Variants in SDK1 observed in about 807,000 individuals in gnomAD.
SDK1 encodes protein sidekick-1.
Under a neutral mutation model 245.5 loss-of-function variants are expected in SDK1, and 157 were observed. That is an observed-to-expected ratio of 0.64 (90% CI 0.56 to 0.73). The LOEUF (loss-of-function observed/expected upper bound fraction) is 0.73. SDK1 is among the 30% of genes least tolerant of loss of function. The pLI is 0.00. For missense variants in SDK1, 3,583 were observed against 3,002.3 expected (o/e 1.19, Z -4.52); for synonymous variants, 1,647 against 1,278.5 (o/e 1.29, Z -6.15).
intron 4 of SDK1, among the ~76,000 whole-genome samples, chr7:3,679,915 C>A (rs143037509): frequency 6.6e-6 from 1 of 152,172 alleles, no homozygotes; most frequent in Non-Finnish European, 1.5e-5. Context: ...CATTTATCCA[C>A]AGAAATGAAG....
At chr7:3,646,254 C>G (rs1438159368) in intron 4 of SDK1, among the ~76,000 whole-genome samples, 1 of 152,152 alleles carries the variant, frequency 6.6e-6, no homozygotes, top group Non-Finnish European at 1.5e-5. Flanking sequence ...CTCCCCACCT[C>G]CATGTTTAAA....
intron 31 of SDK1, among the ~76,000 whole-genome samples, chr7:4,161,308 C>T (rs1404252194): frequency 2.6e-5 from 4 of 152,194 alleles, no homozygotes. Context: ...GCTGCAACCT[C>T]ACCAGAAATC....
chr7:3,543,430 C>A (rs1229237901), intron 1 of SDK1, among the ~76,000 whole-genome samples: 1 of 152,222 alleles, frequency 6.6e-6, no homozygotes. Flanking sequence ...GCTCTTAAGA[C>A]CAAATGGAGC....
intron 1 of SDK1, among the ~76,000 whole-genome samples, chr7:3,361,229 C>T (rs1425684317): frequency 6.6e-6 from 1 of 152,174 alleles, no homozygotes; most frequent in Non-Finnish European, 1.5e-5. Flanking sequence ...GAGGATTGCA[C>T]TCGCATCTGG....
chr7:3,877,055 G>A (rs1320539866), intron 5 of SDK1, among the ~76,000 whole-genome samples: 2 of 152,094 alleles, frequency 1.3e-5, no homozygotes, highest in African/African-American at 4.8e-5. Flanking sequence ...AGGTGACGTG[G>A]GCATAGTTGA....
chr7:3,952,270 G>A (rs369160708), intron 7 of SDK1, among the ~76,000 whole-genome samples: 1 of 152,264 alleles, frequency 6.6e-6, no homozygotes, highest in East Asian at 1.9e-4. Context: ...ATCGTGATCG[G>A]TGTTCAGAAA....
chr7:3,637,053 C>CAGAGAGAGAGAG (rs10577617), intron 2 of SDK1, among the ~76,000 whole-genome samples: 160 of 148,652 alleles, frequency 1.1e-3, no homozygotes, highest in African/African-American at 3.6e-3. Context: ...TTTCCTGATG[C>CAGAGAGAGAGAG]AGAGAGAGAG....
intron 1 of SDK1, among the ~76,000 whole-genome samples, chr7:3,467,544 T>G (rs555124157): frequency 5.3e-5 from 8 of 152,172 alleles, no homozygotes; most frequent in Non-Finnish European, 1.2e-4. Flanking sequence ...TTTTTTTGCT[T>G]TTTAGATATT....
chr7:3,353,327 A>G (rs1247135667), intron 1 of SDK1, among the ~76,000 whole-genome samples: 3 of 152,148 alleles, frequency 2.0e-5, no homozygotes, highest in Non-Finnish European at 4.4e-5. Context: ...TTGAAAATTG[A>G]TGGCATTTGG....
intron 1 of SDK1, among the ~76,000 whole-genome samples, chr7:3,561,920 A>G (rs1045288798): frequency 6.6e-6 from 1 of 152,252 alleles, no homozygotes; most frequent in Admixed American, 6.5e-5. Context: ...TTCTTTTCAA[A>G]TGCACATTTG....
At chr7:3,958,731 G>A (rs777157038) in intron 7 of SDK1, among the ~76,000 whole-genome samples, 200 bp from the exon 8 acceptor site, 5 of 152,198 alleles carry the variant, frequency 3.3e-5, no homozygotes, top group Non-Finnish European at 5.9e-5. Context: ...ACCCTGAGTA[G>A]TAAGTTGCTT....
intron 4 of SDK1, among the ~76,000 whole-genome samples, chr7:3,684,227 G>A (rs1784203531): frequency 6.6e-6 from 1 of 152,218 alleles, no homozygotes; most frequent in East Asian, 1.9e-4. Context: ...AGGAGGGTGA[G>A]AGAAGCTGTG....
intron 5 of SDK1, among the ~76,000 whole-genome samples, chr7:3,845,764 C>T (rs948028706): frequency 6.6e-6 from 1 of 151,304 alleles, no homozygotes. Flanking sequence ...TTATTTAACA[C>T]TGAACAGGTT....
In SDK1 at chr7:4,079,052, G is replaced by A. The variant is rs549468028; in HGVS notation, c.3203-411G>A. Among the ~76,000 whole-genome samples the A allele has an allele frequency of 8.5e-5, 13 of 152,316 alleles. No individual in the cohort carries two copies. The East Asian group carries it at 1.2e-3, about 14-fold the overall frequency. On this transcript the variant is annotated intron_variant, in intron 21 of 44. Transcript: ENST00000404826. ...CTCTTCCCTCCATCCCTCCGAGGCC[G>A]CGGTAATTATGAAAGGAAGTACGGC... is the stretch of plus-strand genomic sequence containing the variant.
intron 13 of SDK1, among the ~76,000 whole-genome samples, chr7:3,979,239 G>T (rs57899296): frequency 6.6e-6 from 1 of 152,306 alleles, no homozygotes; most frequent in East Asian, 1.9e-4. Flanking sequence ...CACCCACCCG[G>T]GTTTGTAAGA....
At chr7:3,664,984 G>C (rs550642688) in intron 4 of SDK1, among the ~76,000 whole-genome samples, 1 of 152,326 alleles carries the variant, frequency 6.6e-6, no homozygotes, top group South Asian at 2.1e-4. Flanking sequence ...GGATGATTCA[G>C]ACCATTATAA....
chr7:3,790,492 A>C (rs1781047209), intron 4 of SDK1, among the ~76,000 whole-genome samples: 1 of 152,092 alleles, frequency 6.6e-6, no homozygotes, highest in Non-Finnish European at 1.5e-5. Context: ...CACAGAGGCA[A>C]ATACCAGATC....
intron 1 of SDK1, among the ~76,000 whole-genome samples, chr7:3,601,409 T>C (rs1781250860): frequency 6.6e-6 from 1 of 152,106 alleles, no homozygotes; most frequent in Non-Finnish European, 1.5e-5. Flanking sequence ...CTTATGGGAC[T>C]ATTTGGACTA....
At chr7:3,900,865 A>G (rs1171374130) in intron 5 of SDK1, among the ~76,000 whole-genome samples, 2 of 152,086 alleles carry the variant, frequency 1.3e-5, no homozygotes, top group Non-Finnish European at 2.9e-5. Flanking sequence ...CCATAAAATC[A>G]TTGCTCTTGA....
Sources: allele counts gnomAD v4.1 joint callset (sites outside exome capture counted in the v4.1 genomes callset), GRCh38; gene constraint gnomAD v4.1.1; transcripts MANE v1.5; gene names NCBI Gene and HGNC (gene_info 2026-07-23, HGNC 2026-07-21).